Variants in ALB observed in about 807,000 individuals in gnomAD.
ALB encodes serum albumin.
ALB carries 37 observed loss-of-function variants against 74.5 expected under a neutral mutation model. The observed-to-expected ratio is 0.50, with a 90% CI of 0.38 to 0.65. ALB has a LOEUF of 0.65. Ranked by LOEUF, ALB falls within the 30% of genes least tolerant of loss-of-function variation. The pLI, the probability that ALB is intolerant of heterozygous loss-of-function variation, is 0.00. For synonymous variants in ALB, 249 were observed against 251.6 expected, an observed-to-expected ratio of 0.99 and a Z score of 0.10; for missense variants, 685 against 718.7, an observed-to-expected ratio of 0.95 and a Z score of 0.54.
In ALB at chr4:73,410,325, G is replaced by A. The variant is rs58624704; in HGVS notation, c.629G>A (p.Arg210Gln). ...ACLLPKLDEL[R>Q]DEGKASSAKQ... ...TCCTTTTTGTAGCTCGATGAACTTC[G>A]GGATGAAGGGAAGGCTTCGTCTGCC... Residue 210 changes from arginine (R) to glutamine (Q), a missense_variant, in exon 6 of 15, where the codon CGG becomes CAG. By Grantham distance (43) the Arg-to-Gln change is conservative. Transcript: ENST00000295897. 1.6e-5 allele frequency: 26 copies of A among 1,613,388 alleles called. No homozygotes were observed. The highest frequency in any genetic ancestry group is 4.4e-5 in the South Asian group (4 of 91,060).
At position 73,419,575 on chromosome 4, in the gene ALB, A is replaced by G. The variant is rs79738788; in HGVS notation, c.1721A>G (p.Asp574Gly). The stretch of plus-strand genomic sequence containing the variant: ...GAGCAACTGAAAGCTGTTATGGATG[A>G]TTTCGCAGCTTTTGTAGAGAAGTGC... ...TKEQLKAVMD[D>G]FAAFVEKCCK... The change falls in exon 13 of 15, where the codon GAT (aspartate) becomes GGT (glycine). Residue 574 changes from aspartate (D) to glycine (G), a missense_variant. Asp to Gly is a moderately conservative substitution (Grantham distance 94). Transcript: ENST00000295897. 328 of 1,613,758 alleles carry G rather than the reference A, an allele frequency of 2.0e-4. 2 individuals carry two copies. In the Admixed American group the frequency reaches 5.4e-3, roughly 26 times the overall value.
At chr4:73,421,009 G>A in intron 14 of ALB, 83 bp from the exon 15 acceptor site, 2 of 643,146 alleles carry the variant, frequency 3.1e-6, no homozygotes, top group Non-Finnish European at 5.6e-6. Flanking sequence ...GATGATCTAA[G>A]TAATTTGGCA....
chr4:73,405,332 C>A lies in ALB; in HGVS notation c.137+159C>A, dbSNP rs1718693330. 2.0e-5 allele frequency among the ~76,000 whole-genome samples: 3 copies of A among 152,284 alleles called. No individual in the cohort carries two copies. The Middle Eastern group carries it at 0.01, about 518-fold the overall frequency. On this transcript the variant is annotated intron_variant, in intron 2 of 14. Coordinates refer to ENST00000295897, the MANE Select transcript of ALB (RefSeq NM_000477.7). ...GGAAGATATTCTGTATCTGGGCTAT[C>A]CAATAAGGTAGTCACTGGTCACATG...
At chr4:73,415,483 A>G in intron 9 of ALB, 1 of 297,122 alleles carries the variant, frequency 3.4e-6, no homozygotes. Context: ...ACTTAGATGT[A>G]AAGTGAGTTA....
chr4:73,417,589 G>T lies in ALB; in HGVS notation c.1348G>T (p.Val450Phe), dbSNP rs938858137. 2.5e-6 allele frequency: 4 copies of T among 1,613,598 alleles called. No homozygotes were observed. The highest frequency in any genetic ancestry group is 3.4e-6 in the Non-Finnish European group (4 of 1,179,802). The change falls in exon 11 of 15, where the codon GTC becomes TTC. Residue 450 changes from valine to phenylalanine, a missense_variant. Coordinates refer to ENST00000295897, the MANE Select transcript of ALB (RefSeq NM_000477.7). Reference protein sequence around the residue: ...PQVSTPTLVEVSRNLGKVGSK... With the variant: ...PQVSTPTLVEFSRNLGKVGSK... ...AGTGTCAACTCCAACTCTTGTAGAG[G>T]TCTCAAGAAACCTAGGAAAAGTGGG... is the stretch of plus-strand genomic sequence containing the variant.
intron 3 of ALB, among the ~76,000 whole-genome samples, chr4:73,408,253 G>T (rs1376642295): frequency 6.6e-6 from 1 of 152,128 alleles, no homozygotes; most frequent in Non-Finnish European, 1.5e-5. Context: ...TTCACCTGCT[G>T]CTTAGAAGCT....
chr4:73,419,371 C>G, intron 12 of ALB, 136 bp from the exon 13 acceptor site: 1 of 944,558 alleles, frequency 1.1e-6, no homozygotes, highest in Non-Finnish European at 1.6e-6. Context: ...TGCCTGAGCC[C>G]CAAAGTACTC....
intron 12 of ALB, 31 bp downstream of exon 12, chr4:73,418,342 G>C (rs2149329711): frequency 6.3e-7 from 1 of 1,583,000 alleles, no homozygotes; most frequent in Non-Finnish European, 8.6e-7. Flanking sequence ...GCATGTGTTT[G>C]TAGTCTTGAT....
chr4:73,410,260 G>A lies in ALB; in HGVS notation c.616-52G>A, dbSNP rs370718057. ...GTCTCATCTGAGCTTATGGAGGGGT[G>A]TTTCATGTAGAATTTTTCTTCTAAT... On this transcript the variant is annotated intron_variant, in intron 5 of 14. Transcript: ENST00000295897. The A allele has an allele frequency of 2.8e-6, 4 of 1,446,486 alleles. No homozygotes were observed. In the African/African-American group the frequency reaches 5.6e-5, roughly 20 times the overall value. 89.6% of individuals were successfully genotyped at this position (1,446,486 alleles called of 1,614,324 possible).
intron 12 of ALB, among the ~76,000 whole-genome samples, 190 bp downstream of exon 12, chr4:73,418,501 T>C (rs544081736): frequency 1.3e-5 from 2 of 152,296 alleles, no homozygotes; most frequent in Admixed American, 1.3e-4. Flanking sequence ...TCCTCTGTTA[T>C]AATATTGCTA....
chr4:73,417,905 G>A (rs1719055464), intron 11 of ALB, 183 bp from the exon 12 acceptor site: 2 of 713,856 alleles, frequency 2.8e-6, no homozygotes, highest in Non-Finnish European at 4.7e-6. Context: ...CTGGAGTGCA[G>A]TGGTGCCATC....
At chr4:73,407,519 A>G (rs1402205906) in intron 3 of ALB, among the ~76,000 whole-genome samples, 1 of 152,140 alleles carries the variant, frequency 6.6e-6, no homozygotes, top group Non-Finnish European at 1.5e-5. Context: ...TGATTGATAG[A>G]CATTTAGGTT....
chr4:73,411,964 A>C (rs1409178845), intron 6 of ALB, 32 bp from the exon 7 acceptor site: 1 of 1,613,666 alleles, frequency 6.2e-7, no homozygotes. Flanking sequence ...ATCGCATGAT[A>C]ATACCATTTT....
chr4:73,405,593 ATT>A (rs577963316), intron 2 of ALB, among the ~76,000 whole-genome samples: 8 of 143,136 alleles, frequency 5.6e-5, no homozygotes, highest in South Asian at 2.3e-4. Flanking sequence ...GGAATATTTA[ATT>A]TTTTTTTTTT....
chr4:73,413,760 C>G, intron 8 of ALB, 126 bp downstream of exon 8: 1 of 882,244 alleles, frequency 1.1e-6, no homozygotes, highest in Admixed American at 2.2e-5. Flanking sequence ...TCATCCTTCC[C>G]TTTCCCAGGC....
At chr4:73,407,961 A>C (rs764982781) in intron 3 of ALB, among the ~76,000 whole-genome samples, 1 of 152,170 alleles carries the variant, frequency 6.6e-6, no homozygotes, top group Non-Finnish European at 1.5e-5. Context: ...TGAAATCTTA[A>C]AAATACATAA....
In ALB at chr4:73,421,207, T is replaced by G; in HGVS notation, c.*139T>G. 1 of 642,102 alleles carries G rather than the reference T, an allele frequency of 1.6e-6. No homozygotes were observed. The highest frequency in any genetic ancestry group is 2.8e-6 in the Non-Finnish European group (1 of 360,820). 39.8% of individuals were successfully genotyped at this position (642,102 alleles called of 1,614,324 possible). ...AAAAAACATAAATTTCTTTAATCATTTTGCCTCTTTTCTCTGTGCTTCAAT... is the reference window on the plus strand; with the variant it reads ...AAAAAACATAAATTTCTTTAATCATGTTGCCTCTTTTCTCTGTGCTTCAAT... On this transcript the variant is annotated 3_prime_UTR_variant, in exon 15 of 15. Coordinates refer to ENST00000295897, the MANE Select transcript of ALB (RefSeq NM_000477.7).
intron 13 of ALB, 112 bp downstream of exon 13, chr4:73,419,751 G>A (rs1329060628): frequency 1.5e-6 from 2 of 1,300,222 alleles, no homozygotes; most frequent in Non-Finnish European, 2.2e-6. Context: ...GTGGGACAGG[G>A]ATCTTATTTT....
chr4:73,419,716 A>G, intron 13 of ALB, 77 bp downstream of exon 13: 3 of 1,545,288 alleles, frequency 1.9e-6, no homozygotes, highest in South Asian at 1.1e-5. Flanking sequence ...TTAGGGATTT[A>G]TATATCAAAG....
Sources: gnomAD v4.1 joint callset for allele counts (sites outside exome capture counted in the v4.1 genomes callset) on GRCh38, gnomAD v4.1.1 for gene constraint, MANE v1.5 for transcripts, NCBI Gene and HGNC (gene_info 2026-07-23, HGNC 2026-07-21) for gene names.